Variants in EDIL3 observed in about 807,000 individuals in gnomAD.
EDIL3 encodes the protein EGF like and discoidin domains 3.
A neutral mutation model predicts 67.4 loss-of-function variants in EDIL3; 37 were observed. The ratio of observed to expected loss-of-function variants is 0.55; its 90% CI spans 0.42 to 0.72. EDIL3 has a LOEUF of 0.72. EDIL3 is among the 30% of genes least tolerant of loss of function. EDIL3 has a pLI of 0.00. For missense variants in EDIL3, 527 were observed against 586.3 expected (o/e 0.90, Z 1.04); for synonymous variants, 195 against 196.3 (o/e 0.99, Z 0.05).
chr5:84,017,669 T>A (rs1745631533), intron 9 of EDIL3, among the ~76,000 whole-genome samples: 1 of 152,146 alleles, frequency 6.6e-6, no homozygotes, highest in African/African-American at 2.4e-5. Flanking sequence ...TAATGAAACA[T>A]GACTTTGGAA....
At chr5:84,205,879 A>C (rs1743967039) in intron 3 of EDIL3, among the ~76,000 whole-genome samples, 1 of 149,480 alleles carries the variant, frequency 6.7e-6, no homozygotes, top group Non-Finnish European at 1.5e-5. Context: ...GGATTCATTA[A>C]TTTTTTGAAG....
chr5:84,273,527 A>T (rs1018032382), intron 1 of EDIL3, among the ~76,000 whole-genome samples: 1 of 152,186 alleles, frequency 6.6e-6, no homozygotes, highest in African/African-American at 2.4e-5. Context: ...AGAAGTTAAT[A>T]TTCATAAAAA....
intron 1 of EDIL3, among the ~76,000 whole-genome samples, chr5:84,370,903 C>G (rs536711710): frequency 2.0e-4 from 30 of 152,086 alleles, no homozygotes; most frequent in Admixed American, 3.3e-4. Flanking sequence ...TATATACCAG[C>G]AGAGTTGTTC....
chr5:84,078,110 T>G (rs930419413), intron 6 of EDIL3, among the ~76,000 whole-genome samples: 1 of 152,224 alleles, frequency 6.6e-6, no homozygotes, highest in Non-Finnish European at 1.5e-5. Context: ...TTCTATCTGT[T>G]AGTTGTTAGT....
chr5:84,294,129 A>C (rs2112122125), intron 1 of EDIL3, among the ~76,000 whole-genome samples: 1 of 150,966 alleles, frequency 6.6e-6, no homozygotes, highest in Admixed American at 6.6e-5. Flanking sequence ...CACGCCTGTA[A>C]TCCCAGCACT....
At chr5:83,967,638 C>T (rs1320336234) in intron 9 of EDIL3, among the ~76,000 whole-genome samples, 2 of 152,188 alleles carry the variant, frequency 1.3e-5, no homozygotes, top group African/African-American at 2.4e-5. Context: ...CTAACTTAGA[C>T]AAATGGCATA....
chr5:84,208,728 G>A (rs1186198563), intron 3 of EDIL3, among the ~76,000 whole-genome samples: 5 of 149,384 alleles, frequency 3.3e-5, no homozygotes, highest in African/African-American at 1.2e-4. Context: ...GGAAACAACA[G>A]GTGCTAGAGA....
intron 8 of EDIL3, among the ~76,000 whole-genome samples, chr5:84,064,367 T>A (rs899429996): frequency 1.3e-5 from 2 of 152,170 alleles, no homozygotes; most frequent in Non-Finnish European, 2.9e-5. Flanking sequence ...TTTACTAAAC[T>A]TTTTGTCGGA....
At chr5:84,204,707 T>C (rs930384725) in intron 3 of EDIL3, among the ~76,000 whole-genome samples, 5 of 151,696 alleles carry the variant, frequency 3.3e-5, no homozygotes, top group African/African-American at 9.7e-5. Context: ...CTGCTCCACG[T>C]TGAAGTAACA....
chr5:84,165,989 C>T (rs1748696986), intron 4 of EDIL3, among the ~76,000 whole-genome samples: 1 of 152,154 alleles, frequency 6.6e-6, no homozygotes, highest in Non-Finnish European at 1.5e-5. Context: ...TTGCTTCTGC[C>T]TCACTTTGTT....
chr5:84,275,136 T>C (rs1470851577), intron 1 of EDIL3, among the ~76,000 whole-genome samples: 1 of 152,178 alleles, frequency 6.6e-6, no homozygotes, highest in Non-Finnish European at 1.5e-5. Context: ...AATCAGTGTT[T>C]GTTAGTTTGT....
chr5:84,184,070 C>A (rs1749060060), intron 3 of EDIL3, among the ~76,000 whole-genome samples: 1 of 152,204 alleles, frequency 6.6e-6, no homozygotes. Flanking sequence ...CGTGCCATTG[C>A]ACTCCAGCCT....
At chr5:84,089,519 CCT>C (rs1241413056) in intron 6 of EDIL3, among the ~76,000 whole-genome samples, 2 of 152,088 alleles carry the variant, frequency 1.3e-5, no homozygotes, top group Non-Finnish European at 2.9e-5. Flanking sequence ...CATAGGTTCC[CCT>C]CTCTCTAAAG....
intron 9 of EDIL3, among the ~76,000 whole-genome samples, chr5:83,991,477 C>G (rs1324708829): frequency 6.6e-6 from 1 of 152,150 alleles, no homozygotes; most frequent in Admixed American, 6.6e-5. Context: ...TATGATCACA[C>G]CTCTTACTTT....
intron 1 of EDIL3, among the ~76,000 whole-genome samples, chr5:84,281,481 A>C (rs1329670552): frequency 1.3e-5 from 2 of 152,214 alleles, no homozygotes; most frequent in African/African-American, 4.8e-5. Flanking sequence ...ATCTTATCCT[A>C]ATGCCATAAT....
chr5:84,163,057 A>T (rs150694407), intron 4 of EDIL3, among the ~76,000 whole-genome samples: 4 of 152,136 alleles, frequency 2.6e-5, no homozygotes, highest in African/African-American at 9.7e-5. Context: ...GTGGGCTTTT[A>T]AATCGACCAA....
rs77533159 is a variant in EDIL3, at chr5:84,010,709, C to G, written c.1138-47349G>C. 1.9e-3 allele frequency among the ~76,000 whole-genome samples: 293 copies of G among 152,268 alleles called. 2 individuals are homozygous for G. Among genetic ancestry groups the G allele is most frequent in the African/African-American group, 6.9e-3 (287 of 41,564 alleles). On this transcript the variant is annotated intron_variant, in intron 9 of 10. Transcript: ENST00000296591. ...ATACACAATCACCCTAATTGAATTA[C>G]AAATTCTATCATGTTCTTTGTGAAT...
chr5:84,151,535 C>T (rs1384324863), intron 4 of EDIL3, among the ~76,000 whole-genome samples: 1 of 152,004 alleles, frequency 6.6e-6, no homozygotes, highest in South Asian at 2.1e-4. Context: ...AGTTTACTTC[C>T]TACTTTGCAG....
At chr5:84,098,728 C>T (rs1747309921) in intron 6 of EDIL3, among the ~76,000 whole-genome samples, 1 of 152,046 alleles carries the variant, frequency 6.6e-6, no homozygotes, top group African/African-American at 2.4e-5. Context: ...AAAACTACAA[C>T]ACTTCAGAAT....
Sources: allele counts gnomAD v4.1 joint callset (sites outside exome capture counted in the v4.1 genomes callset), GRCh38; gene constraint gnomAD v4.1.1; transcripts MANE v1.5; gene names NCBI Gene and HGNC (gene_info 2026-07-23, HGNC 2026-07-21).